The following TEAD1 variants were observed in gnomAD, a reference collection of about 807,000 sequenced individuals.
The protein encoded by TEAD1 is TEA domain transcription factor 1.
In TEAD1, 9 loss-of-function variants were observed where a neutral mutation model predicts 54.9. The observed-to-expected ratio is 0.16, with a 90% CI of 0.10 to 0.29. TEAD1 has a LOEUF of 0.29. TEAD1 is among the 10% of genes least tolerant of loss of function. TEAD1 has a pLI of 1.00. For synonymous variants in TEAD1, 200 were observed against 187.8 expected, an observed-to-expected ratio of 1.07 and a Z score of -0.53; for missense variants, 387 against 535.9, an observed-to-expected ratio of 0.72 and a Z score of 2.74.
chr11:12,818,234 T>A (rs1478135573), intron 3 of TEAD1, among the ~76,000 whole-genome samples: 2 of 152,248 alleles, frequency 1.3e-5, no homozygotes, highest in Admixed American at 1.3e-4. Flanking sequence ...AGAGTGTATC[T>A]CAACTTAATC....
At chr11:12,804,259 A>G (rs1295182722) in intron 3 of TEAD1, among the ~76,000 whole-genome samples, 4 of 152,194 alleles carry the variant, frequency 2.6e-5, no homozygotes, top group African/African-American at 9.6e-5. Flanking sequence ...TCAGCAGACC[A>G]TTCTTGAGCA....
intron 3 of TEAD1, among the ~76,000 whole-genome samples, chr11:12,789,185 A>G (rs1203335904): frequency 6.6e-6 from 1 of 152,168 alleles, no homozygotes; most frequent in African/African-American, 2.4e-5. Flanking sequence ...TAGCTGTATG[A>G]CTTTGATTTT....
Position 12,783,098 on chromosome 11 carries a change from T to G in TEAD1, c.202+18664T>G, listed in dbSNP as rs148884122. Among the ~76,000 whole-genome samples, 368 of 139,358 alleles carry G rather than the reference T, an allele frequency of 2.6e-3. 2 individuals are homozygous for G. The highest frequency in any genetic ancestry group is 9.3e-3 in the African/African-American group (343 of 36,844). 91.4% of individuals were successfully genotyped at this position (139,358 alleles called of 152,430 possible). A position where few individuals can be genotyped will look rare whatever the true frequency, so the allele number is the denominator to read the frequency against. On this transcript the variant is annotated intron_variant, in intron 3 of 12. Coordinates refer to ENST00000527636, the MANE Select transcript of TEAD1 (RefSeq NM_021961.6). Reference sequence around the variant, plus strand: ...AGAAGTCACTAAACCAGGTAAGGGTTTGTGTGTGTGTGTGTGTGTGTGTGT... The same window carrying G: ...AGAAGTCACTAAACCAGGTAAGGGTGTGTGTGTGTGTGTGTGTGTGTGTGT...
intron 3 of TEAD1, among the ~76,000 whole-genome samples, chr11:12,778,608 C>G (rs1258230856): frequency 6.8e-6 from 1 of 147,046 alleles, no homozygotes; most frequent in African/African-American, 2.5e-5. Context: ...ACTGAGAACT[C>G]TTCAAGGGCC....
At chr11:12,698,496 T>C (rs1943633323) in intron 2 of TEAD1, among the ~76,000 whole-genome samples, 1 of 151,952 alleles carries the variant, frequency 6.6e-6, no homozygotes, top group Admixed American at 6.6e-5. Context: ...GTGAATATTT[T>C]TGTCACTTAA....
chr11:12,690,687 CATTG>C (rs1442140090), intron 2 of TEAD1, among the ~76,000 whole-genome samples: 1 of 152,166 alleles, frequency 6.6e-6, no homozygotes, highest in East Asian at 1.9e-4. Context: ...ATGTTAGTGC[CATTG>C]ATTGATGATC....
intron 2 of TEAD1, among the ~76,000 whole-genome samples, chr11:12,683,060 A>G (rs556794196): frequency 5.0e-4 from 76 of 152,276 alleles, no homozygotes; most frequent in African/African-American, 1.6e-3. Flanking sequence ...TCTTGTTGTT[A>G]CAGAGGGTGG....
In TEAD1 at chr11:12,814,018, A is replaced by T. The variant is rs1195304579; in HGVS notation, c.203-48232A>T. 2.0e-5 allele frequency among the ~76,000 whole-genome samples: 3 copies of T among 152,184 alleles called. No individual in the cohort carries two copies. The East Asian group carries it at 5.8e-4, about 29-fold the overall frequency. On this transcript the variant is annotated intron_variant, in intron 3 of 12. Transcript: ENST00000527636. ...ATGTTTCTTTCCCCATTGGCACAGC[A>T]TCAAGGTTCTCAACAGCTGGACACA... is the stretch of plus-strand genomic sequence containing the variant.
chr11:12,910,100 TG>T (rs1948591622), intron 10 of TEAD1, among the ~76,000 whole-genome samples: 1 of 152,184 alleles, frequency 6.6e-6, no homozygotes. Flanking sequence ...GTGCAATTAA[TG>T]TAACAAAATG....
At chr11:12,809,466 G>T (rs1037097446) in intron 3 of TEAD1, among the ~76,000 whole-genome samples, 2 of 152,170 alleles carry the variant, frequency 1.3e-5, no homozygotes, top group South Asian at 2.1e-4. Flanking sequence ...CTTGTGTCTT[G>T]TAGGCATTCA....
chr11:12,922,913 GACCCTGTCTCAAAAAAAAAAAAAA>G (rs1301401099), intron 10 of TEAD1: 2 of 101,270 alleles, frequency 2.0e-5, no homozygotes, highest in African/African-American at 8.1e-5. Flanking sequence ...GACAGGGCCA[GACCCTGTCTCAAAAAAAAAAAAAA>G]AAAAAAAAAA....
At chr11:12,792,678 A>ACGC (rs148012618) in intron 3 of TEAD1, among the ~76,000 whole-genome samples, 4,404 of 152,262 alleles carry the variant, frequency 0.029, 230 homozygotes, top group African/African-American at 0.1. Context: ...GTTATACTGA[A>ACGC]CGCCTGTATG....
intron 2 of TEAD1, among the ~76,000 whole-genome samples, chr11:12,729,949 C>T (rs1251386151): frequency 6.6e-6 from 1 of 152,184 alleles, no homozygotes; most frequent in Non-Finnish European, 1.5e-5. Flanking sequence ...CACAGCGCAG[C>T]ATATTAAAGG....
chr11:12,741,725 G>A (rs74526385), intron 2 of TEAD1, among the ~76,000 whole-genome samples: 180 of 152,280 alleles, frequency 1.2e-3, no homozygotes, highest in Non-Finnish European at 2.1e-3. Flanking sequence ...ATATTAAAGA[G>A]GAGGTCAAAA....
At chr11:12,843,070 C>T (rs1461331413) in intron 3 of TEAD1, among the ~76,000 whole-genome samples, 1 of 152,056 alleles carries the variant, frequency 6.6e-6, no homozygotes, top group African/African-American at 2.4e-5. Flanking sequence ...AATTGTTTAT[C>T]TGGGAGGATG....
intron 3 of TEAD1, among the ~76,000 whole-genome samples, chr11:12,775,030 A>G (rs147452341): frequency 2.0e-5 from 3 of 152,178 alleles, no homozygotes; most frequent in Non-Finnish European, 4.4e-5. Context: ...AAGTCAAAAA[A>G]AAGGAAGTTA....
At chr11:12,831,015 CCTT>C (rs1946768078) in intron 3 of TEAD1, among the ~76,000 whole-genome samples, 1 of 152,184 alleles carries the variant, frequency 6.6e-6, no homozygotes, top group East Asian at 1.9e-4. Flanking sequence ...CCATGACCCT[CCTT>C]CTCTCTTGTT....
intron 3 of TEAD1, among the ~76,000 whole-genome samples, chr11:12,788,147 T>G (rs1945718837): frequency 6.6e-6 from 1 of 151,278 alleles, no homozygotes; most frequent in South Asian, 2.1e-4. Context: ...GTCTTTTTTT[T>G]TTTTTTTTGG....
rs1232941122 is a variant in TEAD1 at position 12,938,797 on chromosome 11, G to A, written c.*1575G>A. On this transcript the variant is annotated 3_prime_UTR_variant, in exon 13 of 13. Coordinates refer to ENST00000527636, the MANE Select transcript of TEAD1 (RefSeq NM_021961.6). ...TAAGTGTTTCACTGGGGAGAGAACAGGGAGTGCTCCTCCAGCTTCCCAAAG... is the reference window on the plus strand; with the variant it reads ...TAAGTGTTTCACTGGGGAGAGAACAAGGAGTGCTCCTCCAGCTTCCCAAAG... 1 of 152,280 alleles carries A rather than the reference G, an allele frequency of 6.6e-6. No individual in the cohort carries two copies. The highest frequency in any genetic ancestry group is 2.4e-5 in the African/African-American group (1 of 41,470). 9.4% of individuals were successfully genotyped at this position (152,280 alleles called of 1,614,324 possible).
Sources: allele counts gnomAD v4.1 joint callset (sites outside exome capture counted in the v4.1 genomes callset), GRCh38; gene constraint gnomAD v4.1.1; transcripts MANE v1.5; gene names NCBI Gene and HGNC (gene_info 2026-07-23, HGNC 2026-07-21).